Variants in BTD observed in about 807,000 individuals in gnomAD.
BTD encodes biocytinase.
Under a neutral mutation model 17.7 loss-of-function variants are expected in BTD, and 13 were observed. The ratio of observed to expected loss-of-function variants is 0.74; its 90% CI spans 0.48 to 1.17. The LOEUF (loss-of-function observed/expected upper bound fraction) is 1.17. Ranked by LOEUF, BTD falls within the 50% of genes most tolerant of loss-of-function variation. The pLI, the probability that BTD is intolerant of heterozygous loss-of-function variation, is 0.00. For synonymous variants in BTD, 240 were observed against 245.2 expected, an observed-to-expected ratio of 0.98 and a Z score of 0.20; for missense variants, 674 against 650.4, an observed-to-expected ratio of 1.04 and a Z score of -0.39.
rs1363661909 is a variant in BTD, at chr3:15,649,281, C to T, written c.*3793C>T. On this transcript the variant is annotated 3_prime_UTR_variant, in exon 4 of 4. Coordinates refer to ENST00000643237, the MANE Select transcript of BTD (RefSeq NM_001370658.1). ...CCTGGCTTCCCCTGAAGCAAATGAT[C>T]CAAGAGAGCACAGGTGGAGCCATGA... 6.6e-6 allele frequency among the ~76,000 whole-genome samples: 1 copy of T among 152,140 alleles called. No homozygotes were observed. Among genetic ancestry groups the T allele is most frequent in the Admixed American group, 6.6e-5 (1 of 15,264 alleles).
chr3:15,613,523 C>A (rs552373709), intron 1 of BTD, among the ~76,000 whole-genome samples: 1 of 152,064 alleles, frequency 6.6e-6, no homozygotes, highest in Non-Finnish European at 1.5e-5. Context: ...CCCTCTTCCC[C>A]CTCCTTACCT....
At chr3:15,701,879 G>A (rs2070683518) in intron 3 of BTD, among the ~76,000 whole-genome samples, 1 of 152,008 alleles carries the variant, frequency 6.6e-6, no homozygotes, top group South Asian at 2.1e-4. Context: ...CTGGGATGCA[G>A]AAAAAGCCTG....
intron 3 of BTD, among the ~76,000 whole-genome samples, chr3:15,682,822 G>A (rs1006768178): frequency 6.6e-6 from 1 of 152,166 alleles, no homozygotes; most frequent in Admixed American, 6.6e-5. Flanking sequence ...ATTTTAGGCT[G>A]TCTATATAGT....
intron 1 of BTD, among the ~76,000 whole-genome samples, chr3:15,619,586 T>C (rs2064891559): frequency 6.6e-6 from 1 of 152,242 alleles, no homozygotes; most frequent in Admixed American, 6.5e-5. Flanking sequence ...GTAAAAGTCA[T>C]TGTGGTTTTT....
At position 15,644,760 on chromosome 3, in the gene BTD, C is replaced by A; in HGVS notation, c.844C>A (p.His282Asn). ...CATCAACGTTCTGGCAGCTAATGTCCACCACCCAGTTCTGGGGATGACAGG... is the reference window on the plus strand; with the variant it reads ...CATCAACGTTCTGGCAGCTAATGTCAACCACCCAGTTCTGGGGATGACAGG... ...FGINVLAANV[H>N]HPVLGMTGSG... Residue 282 changes from histidine to asparagine, a missense_variant, in exon 4 of 4, where the codon CAC becomes AAC. By Grantham distance (68) the His-to-Asn change is moderately conservative. Transcript: ENST00000643237. 1 of 1,614,136 alleles carries A rather than the reference C, an allele frequency of 6.2e-7. No homozygotes were observed. Among genetic ancestry groups the A allele is most frequent in the South Asian group, 1.1e-5 (1 of 91,080 alleles).
intron 3 of BTD, among the ~76,000 whole-genome samples, chr3:15,659,830 T>G (rs1232810282): frequency 1.5e-4 from 23 of 152,186 alleles, no homozygotes; most frequent in Admixed American, 1.5e-3. Context: ...ATCAGTAGGA[T>G]GACTTTCCTT....
chr3:15,673,563 A>C (rs980322476), intron 3 of BTD, among the ~76,000 whole-genome samples: 20 of 152,252 alleles, frequency 1.3e-4, no homozygotes, highest in Admixed American at 6.5e-5. Context: ...GCTTTATGTA[A>C]AAAAAGAGGA....
intron 2 of BTD, among the ~76,000 whole-genome samples, chr3:15,636,750 T>C (rs1371651898): frequency 1.5e-5 from 2 of 130,268 alleles, no homozygotes; most frequent in Non-Finnish European, 3.1e-5. Flanking sequence ...TTTTAGTCTA[T>C]AATATATATA....
At chr3:15,642,223 G>A in intron 3 of BTD, 166 bp downstream of exon 3, 1 of 1,478,880 alleles carries the variant, frequency 6.8e-7, no homozygotes, top group Non-Finnish European at 8.9e-7. Flanking sequence ...TTCCATTAAA[G>A]AATGTCTGAC....
rs116181258 is a variant in BTD, at chr3:15,684,392, A to G, written c.400-25668A>G. The G allele has an allele frequency of 1.0e-3, 152 of 152,340 alleles. 1 individual carries two copies. Among genetic ancestry groups the G allele is most frequent in the African/African-American group, 3.6e-3 (149 of 41,574 alleles). 9.4% of individuals were successfully genotyped at this position (152,340 alleles called of 1,614,324 possible). A position where few individuals can be genotyped will look rare whatever the true frequency, so the allele number is the denominator to read the frequency against. ...CTCTTTTAACCATGTAGCAGAGTTAACCCATCAAAGTTTCTAATTCTAAGA... is the reference window on the plus strand; with the variant it reads ...CTCTTTTAACCATGTAGCAGAGTTAGCCCATCAAAGTTTCTAATTCTAAGA... On this transcript the variant is annotated intron_variant, in intron 3 of 3. Transcript: ENST00000672141.
chr3:15,616,603 C>T (rs543422088), intron 1 of BTD, among the ~76,000 whole-genome samples: 8 of 150,416 alleles, frequency 5.3e-5, no homozygotes, highest in Admixed American at 1.3e-4. Context: ...GGGACAAGAG[C>T]GAGACTTCAT....
chr3:15,608,602 C>T (rs1276382343), intron 1 of BTD, among the ~76,000 whole-genome samples: 1 of 152,054 alleles, frequency 6.6e-6, no homozygotes, highest in Non-Finnish European at 1.5e-5. Flanking sequence ...CCCGTCTCTA[C>T]TAAAAATACA....
At chr3:15,706,159 T>G (rs1303943847) in intron 3 of BTD, among the ~76,000 whole-genome samples, 1 of 152,150 alleles carries the variant, frequency 6.6e-6, no homozygotes, top group Non-Finnish European at 1.5e-5. Context: ...GGCACATATG[T>G]ATACATGTGC....
At chr3:15,710,111 G>A (rs1055750229) in exon 4 of BTD, among the ~76,000 whole-genome samples, 5 of 150,988 alleles carry the variant, frequency 3.3e-5, no homozygotes, top group Admixed American at 1.3e-4. Context: ...CATAGCTAAC[G>A]GCAGCCTCCA....
intron 3 of BTD, among the ~76,000 whole-genome samples, chr3:15,661,127 G>A (rs1142789): frequency 1.3e-4 from 19 of 151,840 alleles, no homozygotes; most frequent in African/African-American, 3.6e-4. Context: ...TTAGCCGGGC[G>A]TGGTGGTGCA....
chr3:15,653,308 C>CGGGTCT lies in BTD; in HGVS notation c.*7821_*7826dup, dbSNP rs1427953984. ...TGCGGTGCATACCAAAGCAGGTGCACGGGTCTTAATCATCACCTCAGTCCT... is the reference window on the plus strand; with the variant it reads ...TGCGGTGCATACCAAAGCAGGTGCACGGGTCTGGGTCTTAATCATCACCTCAGTCCT... On this transcript the variant is annotated 3_prime_UTR_variant, in exon 4 of 4. Transcript: ENST00000643237. Among the ~76,000 whole-genome samples the CGGGTCT allele has an allele frequency of 6.6e-6, 1 of 152,236 alleles. No individual in the cohort carries two copies. Among genetic ancestry groups the CGGGTCT allele is most frequent in the Non-Finnish European group, 1.5e-5 (1 of 68,044 alleles).
chr3:15,707,594 C>T lies in BTD; in HGVS notation c.400-2466C>T, dbSNP rs2071629865. Among the ~76,000 whole-genome samples the T allele has an allele frequency of 2.0e-5, 3 of 152,130 alleles. No individual in the cohort carries two copies. The South Asian group carries it at 6.2e-4, about 32-fold the overall frequency. On this transcript the variant is annotated intron_variant, in intron 3 of 3. Transcript: ENST00000672141. ...CATATATCTCCTCTCTCCCTTTCCCCATGATATAGTCACGGCTGTAGCCTC... is the reference window on the plus strand; with the variant it reads ...CATATATCTCCTCTCTCCCTTTCCCTATGATATAGTCACGGCTGTAGCCTC...
intron 3 of BTD, among the ~76,000 whole-genome samples, chr3:15,664,935 A>G (rs1051171980): frequency 2.7e-5 from 4 of 150,942 alleles, no homozygotes; most frequent in Admixed American, 2.6e-4. Flanking sequence ...TGATGAAATA[A>G]TCTGTACACT....
intron 3 of BTD, among the ~76,000 whole-genome samples, chr3:15,659,674 G>A (rs2065903703): frequency 6.6e-6 from 1 of 152,164 alleles, no homozygotes; most frequent in South Asian, 2.1e-4. Flanking sequence ...TTCACTCTAA[G>A]ATGACCATGT....
Sources: gnomAD v4.1 joint callset for allele counts (sites outside exome capture counted in the v4.1 genomes callset) on GRCh38, gnomAD v4.1.1 for gene constraint, MANE v1.5 for transcripts, NCBI Gene and HGNC (gene_info 2026-07-23, HGNC 2026-07-21) for gene names.